Variants in RELN observed in about 807,000 individuals in gnomAD.
RELN encodes reelin.
RELN carries 108 observed loss-of-function variants against 427.6 expected under a neutral mutation model. The ratio of observed to expected loss-of-function variants is 0.25; its 90% CI spans 0.22 to 0.30. RELN has a LOEUF of 0.30. Among genes scored for constraint, RELN ranks in the 10% least tolerant of loss-of-function variants. The pLI is 1.00. For missense variants in RELN, 3,715 were observed against 4,302.8 expected (o/e 0.86, Z 3.82); for synonymous variants, 1,524 against 1,513.4 (o/e 1.01, Z -0.16).
In RELN at chr7:103,631,290, T is replaced by C. The variant is rs967474815; in HGVS notation, c.2466-1114A>G. Among the ~76,000 whole-genome samples, 18 of 66,398 alleles carry C rather than the reference T, an allele frequency of 2.7e-4. 1 individual carries two copies. The East Asian group carries it at 4.2e-3, about 15-fold the overall frequency. 43.6% of individuals were successfully genotyped at this position (66,398 alleles called of 152,430 possible). On this transcript the variant is annotated intron_variant, in intron 19 of 64. Coordinates refer to ENST00000428762, the MANE Select transcript of RELN (RefSeq NM_005045.4). ...AATAAAACTTTAAAAACACTTCTTT[T>C]TTTTTTTTTTTTTTTTTTTTTGAGA...
chr7:103,984,363 A>T (rs538622991), intron 1 of RELN, among the ~76,000 whole-genome samples: 1 of 152,306 alleles, frequency 6.6e-6, no homozygotes, highest in Non-Finnish European at 1.5e-5. Flanking sequence ...CCATTTTATT[A>T]ACATTTTCAA....
chr7:103,749,982 T>G (rs113193883), intron 5 of RELN, among the ~76,000 whole-genome samples: 64 of 102,312 alleles, frequency 6.3e-4, no homozygotes, highest in South Asian at 3.9e-3. Context: ...GATTTGATGG[T>G]TTTTTTTTAT....
chr7:103,719,249 GC>G (rs1406334788), intron 8 of RELN, among the ~76,000 whole-genome samples: 2 of 152,020 alleles, frequency 1.3e-5, no homozygotes, highest in African/African-American at 4.8e-5. Flanking sequence ...CTCTAGGAGG[GC>G]ACGCATGTTC....
chr7:103,542,633 C>T, intron 43 of RELN, 98 bp downstream of exon 43: 34 of 1,313,632 alleles, frequency 2.6e-5, no homozygotes, highest in Non-Finnish European at 3.7e-5. Context: ...AATGGAAGGC[C>T]TTGTCCTTGA....
At chr7:103,704,034 T>G (rs975714377) in intron 8 of RELN, among the ~76,000 whole-genome samples, 1 of 152,194 alleles carries the variant, frequency 6.6e-6, no homozygotes, top group African/African-American at 2.4e-5. Context: ...CTGGCCCCCA[T>G]ACACTGATGT....
chr7:103,950,298 C>T (rs1162944016), intron 1 of RELN, among the ~76,000 whole-genome samples: 1 of 152,124 alleles, frequency 6.6e-6, no homozygotes, highest in African/African-American at 2.4e-5. Context: ...TAAACATTCA[C>T]ACCACAGCAT....
At chr7:103,757,103 T>C (rs1791178667) in intron 4 of RELN, among the ~76,000 whole-genome samples, 1 of 152,202 alleles carries the variant, frequency 6.6e-6, no homozygotes, top group African/African-American at 2.4e-5. Flanking sequence ...TAGTTCAACA[T>C]TATTTAGTAT....
chr7:103,747,642 C>CTT lies in RELN; in HGVS notation c.656+1782_656+1783dup, dbSNP rs541976561. ...ACAGTTTCACCGTTCCCTACTCTCACTTTTTTTTTTTTTTTTTTTTGGAAT... is the reference window on the plus strand; with the variant it reads ...ACAGTTTCACCGTTCCCTACTCTCACTTTTTTTTTTTTTTTTTTTTTTGGAAT... On this transcript the variant is annotated intron_variant, in intron 6 of 64. Coordinates refer to ENST00000428762, the MANE Select transcript of RELN (RefSeq NM_005045.4). 4.1e-3 allele frequency among the ~76,000 whole-genome samples: 503 copies of CTT among 123,856 alleles called. 7 individuals are homozygous for CTT. The highest frequency in any genetic ancestry group is 0.013 in the South Asian group (47 of 3,674). The allele number at this position is 123,856 out of a possible 152,430, so 81.3% of individuals were successfully genotyped here.
intron 36 of RELN, 72 bp from the exon 37 acceptor site, chr7:103,558,121 C>A: frequency 2.6e-6 from 2 of 765,848 alleles, no homozygotes; most frequent in South Asian, 1.4e-5. Context: ...ATTTTATACA[C>A]CTAACTTGCA....
chr7:103,760,069 C>T (rs116958076), intron 4 of RELN, among the ~76,000 whole-genome samples: 1,734 of 126,532 alleles, frequency 0.014, 14 homozygotes, highest in Non-Finnish European at 0.021. Flanking sequence ...AATTAATATT[C>T]ACTGAATGCC....
chr7:103,687,684 G>A (rs1467153362), intron 10 of RELN, among the ~76,000 whole-genome samples: 19 of 152,032 alleles, frequency 1.2e-4, no homozygotes, highest in African/African-American at 3.9e-4. Flanking sequence ...TGTTTTTAAT[G>A]TTCATTTGGA....
At chr7:103,522,298 T>A in intron 47 of RELN, 99 bp from the exon 48 acceptor site, 1 of 1,191,188 alleles carries the variant, frequency 8.4e-7, no homozygotes, top group South Asian at 1.3e-5. Flanking sequence ...TAGTCCAAGA[T>A]GATGAAAAGT....
chr7:103,801,023 A>G (rs900250825), intron 3 of RELN, among the ~76,000 whole-genome samples: 1 of 152,210 alleles, frequency 6.6e-6, no homozygotes, highest in African/African-American at 2.4e-5. Flanking sequence ...AATCAAAACC[A>G]CAATGAGATA....
chr7:103,903,836 C>A (rs1478848960), intron 2 of RELN, among the ~76,000 whole-genome samples: 3 of 145,146 alleles, frequency 2.1e-5, no homozygotes, highest in Non-Finnish European at 4.5e-5. Flanking sequence ...GAGTACATAT[C>A]TTTTTTTGTT....
intron 42 of RELN, among the ~76,000 whole-genome samples, chr7:103,543,088 A>G (rs1044341880): frequency 6.6e-5 from 10 of 152,152 alleles, no homozygotes; most frequent in Admixed American, 1.3e-4. Context: ...GATTCTTGTG[A>G]TAGGAGGAGG....
In RELN at chr7:103,813,635, G is replaced by A. The variant is rs562249488; in HGVS notation, c.473+19902C>T. 2.0e-4 allele frequency among the ~76,000 whole-genome samples: 30 copies of A among 152,046 alleles called. No homozygotes were observed. In the South Asian group the frequency reaches 3.7e-3, roughly 19 times the overall value. On this transcript the variant is annotated intron_variant, in intron 3 of 64. Transcript: ENST00000428762. ...ATAACTGAACGACTGAATTTTCTAC[G>A]TAAGGAAAATTTCCAGATGAATCCA... is the stretch of plus-strand genomic sequence containing the variant.
At chr7:103,632,559 G>A (rs1324857356) in intron 19 of RELN, among the ~76,000 whole-genome samples, 1 of 152,114 alleles carries the variant, frequency 6.6e-6, no homozygotes, top group East Asian at 1.9e-4. Context: ...TTGGGTGTAG[G>A]GGGAGTTCCT....
chr7:103,670,228 T>C (rs1207204224), intron 11 of RELN, among the ~76,000 whole-genome samples: 3 of 152,136 alleles, frequency 2.0e-5, no homozygotes, highest in Non-Finnish European at 4.4e-5. Flanking sequence ...CTTGGTAGGG[T>C]AGCTTGGCAA....
Position 103,989,008 on chromosome 7 carries a change from C to G in RELN, c.226+123G>C. 3.5e-6 allele frequency: 3 copies of G among 855,218 alleles called. No individual in the cohort carries two copies. Among genetic ancestry groups the G allele is most frequent in the South Asian group, 1.5e-5 (1 of 67,684 alleles). 53.0% of individuals were successfully genotyped at this position (855,218 alleles called of 1,614,324 possible). On this transcript the variant is annotated intron_variant, in intron 1 of 64. Coordinates refer to ENST00000428762, the MANE Select transcript of RELN (RefSeq NM_005045.4). The surrounding 1 kb of genome is among the most constrained non-coding windows in gnomAD (Gnocchi z 4.9). ...TTCTCGCTCCCTGGACCAAGCGCAT[C>G]GCTGGGGCCAGGGTTGTCATGGTTC...
Sources: allele counts gnomAD v4.1 joint callset (sites outside exome capture counted in the v4.1 genomes callset), GRCh38; gene constraint gnomAD v4.1.1; non-coding constraint Gnocchi (gnomAD v3.1); transcripts MANE v1.5; gene names NCBI Gene and HGNC (gene_info 2026-07-23, HGNC 2026-07-21).